The following WDR72 variants were observed in gnomAD, a reference collection of about 807,000 sequenced individuals.
WDR72 encodes WD repeat domain 72, also known as WD repeat-containing protein 72.
Under a neutral mutation model 124.2 loss-of-function variants are expected in WDR72, and 120 were observed. The ratio of observed to expected loss-of-function variants is 0.97; its 90% CI spans 0.83 to 1.12. The LOEUF is 1.12. Among genes scored for constraint, WDR72 ranks in the 50% most tolerant of loss-of-function variants. The pLI is 0.00. For missense variants in WDR72, 1,387 were observed against 1,278.8 expected (o/e 1.08, Z -1.29); for synonymous variants, 452 against 441.7 (o/e 1.02, Z -0.29).
At chr15:53,749,769 G>A (rs549417492) in intron 1 of WDR72, among the ~76,000 whole-genome samples, 219 of 152,232 alleles carry the variant, frequency 1.4e-3, no homozygotes, top group African/African-American at 4.6e-3. Flanking sequence ...ATCAGAGACC[G>A]AAACAATTGC....
In WDR72 at chr15:53,515,578, G is replaced by A. The variant is rs1891415921; in HGVS notation, c.*2121C>T. On this transcript the variant is annotated 3_prime_UTR_variant, in exon 20 of 20. Transcript: ENST00000360509. ...GTTAATGGTATGATATTGGCCTTCA[G>A]AATTCATATTGATAAAAGCAAACCT... is the stretch of plus-strand genomic sequence containing the variant. 2 of 152,144 alleles carry A rather than the reference G, an allele frequency of 1.3e-5. No homozygotes were observed. The highest frequency in any genetic ancestry group is 2.9e-5 in the Non-Finnish European group (2 of 68,010). 9.4% of individuals were successfully genotyped at this position (152,144 alleles called of 1,614,324 possible).
chr15:53,760,443 G>A (rs1020975860), upstream of WDR72, among the ~76,000 whole-genome samples: 1 of 151,620 alleles, frequency 6.6e-6, no homozygotes, highest in Admixed American at 6.6e-5. Context: ...TTTGTCTTTC[G>A]GTGCCTGGGT....
chr15:53,570,258 T>C (rs1185570455), intron 18 of WDR72, among the ~76,000 whole-genome samples: 1 of 86,066 alleles, frequency 1.2e-5, no homozygotes, highest in African/African-American at 4.3e-5. Context: ...TTACCTCATA[T>C]ACCATTTTTT....
At chr15:53,691,564 AGG>A (rs1235263396) in intron 13 of WDR72, among the ~76,000 whole-genome samples, 2 of 151,520 alleles carry the variant, frequency 1.3e-5, no homozygotes, top group African/African-American at 2.4e-5. Context: ...TTCGTTGCTC[AGG>A]TTTCTTTTTT....
At chr15:53,727,307 A>G in intron 2 of WDR72, among the ~76,000 whole-genome samples, 1 of 152,152 alleles carries the variant, frequency 6.6e-6, no homozygotes, top group African/African-American at 2.4e-5. Flanking sequence ...TATTTTCCAA[A>G]TGAATTAATA....
intron 14 of WDR72, among the ~76,000 whole-genome samples, chr15:53,623,029 CAA>C (rs890622468): frequency 2.0e-5 from 3 of 151,876 alleles, no homozygotes; most frequent in African/African-American, 4.8e-5. Flanking sequence ...AAGAGATAAA[CAA>C]AGAGATAAAA....
Position 53,613,708 on chromosome 15 carries a change from C to G in WDR72, c.2830G>C (p.Asp944His). The change falls in exon 16 of 20, where the codon GAC becomes CAC. Residue 944 changes from aspartate to histidine, a missense_variant. Transcript: ENST00000360509. ...IHNKMRGAGN[D>H]ILNMSSFYSC... is the part of the protein sequence containing the mutation. ...TAGAAGCTTGACATATTTAAAATGT[C>G]ATTCCCAGCACCTCTCATCTTATTA... is the stretch of plus-strand genomic sequence containing the variant. 1 of 1,611,248 alleles carries G rather than the reference C, an allele frequency of 6.2e-7. No homozygotes were observed. Among genetic ancestry groups the G allele is most frequent in the Non-Finnish European group, 8.5e-7 (1 of 1,178,464 alleles).
chr15:53,756,273 A>T (rs1042280157), intron 1 of WDR72, among the ~76,000 whole-genome samples: 1 of 152,112 alleles, frequency 6.6e-6, no homozygotes, highest in Non-Finnish European at 1.5e-5. Context: ...CTCCGCACTC[A>T]TTCTCTCTCC....
In WDR72 at chr15:53,712,915, T is replaced by C. The variant is rs770628694; in HGVS notation, c.592-24A>G. 5 of 1,611,846 alleles carry C rather than the reference T, an allele frequency of 3.1e-6. No homozygotes were observed. The South Asian group carries it at 5.5e-5, about 18-fold the overall frequency. ...TCCTTCAAAAGGAAAGAAAATCTTT[T>C]AGTACTAGTTCCAGGTAATTCATAC... is the stretch of plus-strand genomic sequence containing the variant. On this transcript the variant is annotated intron_variant, in intron 6 of 19. Transcript: ENST00000360509.
At chr15:53,646,838 C>G (rs1402400035) in intron 14 of WDR72, among the ~76,000 whole-genome samples, 2 of 151,892 alleles carry the variant, frequency 1.3e-5, no homozygotes, top group Admixed American at 1.3e-4. Flanking sequence ...TAAGGTATGG[C>G]CAAATAGGTG....
rs548739924 is a variant in WDR72, at chr15:53,753,256, A to T, written c.-13+6377T>A. ...ACAATCCATTTTTCCTCCTAGAATA[A>T]GCAAATGGCAGGTACTCCCATAGGC... On this transcript the variant is annotated intron_variant, in intron 1 of 19. Transcript: ENST00000360509. 3.3e-5 allele frequency among the ~76,000 whole-genome samples: 5 copies of T among 152,318 alleles called. No homozygotes were observed. In the South Asian group the frequency reaches 1.0e-3, roughly 32 times the overall value.
At chr15:53,650,277 G>A (rs1389382175) in intron 14 of WDR72, among the ~76,000 whole-genome samples, 4 of 152,048 alleles carry the variant, frequency 2.6e-5, no homozygotes, top group African/African-American at 9.7e-5. Context: ...GCTTGCTAGG[G>A]GCTTAAGTTA....
rs1442814760 is a variant in WDR72 at position 53,516,266 on chromosome 15, C to T, written c.*1433G>A. ...ACACTTTAATCTACTTTAAGGGAGT[C>T]ACACTCATTTGACATCTTTATCCTG... On this transcript the variant is annotated 3_prime_UTR_variant, in exon 20 of 20. Transcript: ENST00000360509. 1 of 152,070 alleles carries T rather than the reference C, an allele frequency of 6.6e-6. No homozygotes were observed. The highest frequency in any genetic ancestry group is 1.5e-5 in the Non-Finnish European group (1 of 67,970). 9.4% of individuals were successfully genotyped at this position (152,070 alleles called of 1,614,324 possible).
intron 14 of WDR72, among the ~76,000 whole-genome samples, chr15:53,661,362 G>A (rs981621026): frequency 9.2e-5 from 14 of 152,132 alleles, no homozygotes; most frequent in African/African-American, 3.4e-4. Flanking sequence ...ATCACATGGT[G>A]AAAAGGGAAA....
intron 2 of WDR72, 139 bp from the exon 3 acceptor site, chr15:53,723,047 T>C (rs1241073089): frequency 4.0e-6 from 3 of 756,748 alleles, no homozygotes; most frequent in South Asian, 3.0e-5. Context: ...CTGATATATG[T>C]AATAACAACA....
intron 13 of WDR72, among the ~76,000 whole-genome samples, chr15:53,670,081 T>G (rs1327071915): frequency 6.6e-6 from 1 of 152,182 alleles, no homozygotes; most frequent in East Asian, 1.9e-4. Flanking sequence ...AAAGTAGGTG[T>G]GCAAAAATAT....
chr15:53,569,439 G>T (rs1481681102), intron 18 of WDR72, among the ~76,000 whole-genome samples: 1 of 151,994 alleles, frequency 6.6e-6, no homozygotes, highest in South Asian at 2.1e-4. Context: ...AACCTGAGAG[G>T]TGTCATATTT....
chr15:53,678,887 A>G (rs2016278671), intron 13 of WDR72, among the ~76,000 whole-genome samples: 1 of 152,246 alleles, frequency 6.6e-6, no homozygotes, highest in Admixed American at 6.5e-5. Flanking sequence ...CACAAGAGCC[A>G]AAAGATGGAA....
intron 14 of WDR72, among the ~76,000 whole-genome samples, chr15:53,639,564 A>T (rs1002955549): frequency 4.3e-4 from 64 of 147,486 alleles, no homozygotes; most frequent in African/African-American, 1.1e-3. Flanking sequence ...TTATAAAATT[A>T]TATATAATGT....
Sources: allele counts gnomAD v4.1 joint callset (sites outside exome capture counted in the v4.1 genomes callset), GRCh38; gene constraint gnomAD v4.1.1; transcripts MANE v1.5; gene names NCBI Gene and HGNC (gene_info 2026-07-23, HGNC 2026-07-21).